TRPC7: variants seen among roughly 807,000 people sequenced by gnomAD.
TRPC7 encodes the protein transient receptor potential cation channel subfamily C member 7, also known as short transient receptor potential channel 7.
TRPC7 carries 42 observed loss-of-function variants against 90.1 expected under a neutral mutation model. The ratio of observed to expected loss-of-function variants is 0.47; its 90% CI spans 0.36 to 0.60. The LOEUF (loss-of-function observed/expected upper bound fraction) is 0.60. Among genes scored for constraint, TRPC7 ranks in the 20% least tolerant of loss-of-function variants. The pLI, the probability that TRPC7 is intolerant of heterozygous loss-of-function variation, is 0.00. For synonymous variants in TRPC7, 451 were observed against 436.3 expected, an observed-to-expected ratio of 1.03 and a Z score of -0.42; for missense variants, 955 against 1,112.3, an observed-to-expected ratio of 0.86 and a Z score of 2.01.
intron 2 of TRPC7, among the ~76,000 whole-genome samples, chr5:136,328,710 T>C (rs997908115): frequency 1.3e-5 from 2 of 152,280 alleles, no homozygotes; most frequent in African/African-American, 4.8e-5. Context: ...CTTCACACAA[T>C]ATGTGGCAAG....
At chr5:136,241,188 C>T (rs147230929) in intron 7 of TRPC7, among the ~76,000 whole-genome samples, 1 of 152,310 alleles carries the variant, frequency 6.6e-6, no homozygotes, top group East Asian at 1.9e-4. Flanking sequence ...TCTAATTTTG[C>T]CTAGCATTGC....
intron 3 of TRPC7, among the ~76,000 whole-genome samples, chr5:136,292,839 C>CA (rs550776085): frequency 0.11 from 17,000 of 151,858 alleles, 954 homozygotes; most frequent in African/African-American, 0.12. Flanking sequence ...GAGACACAAC[C>CA]AAAAAAGAGA....
chr5:136,215,652 C>G (rs2149791436), intron 11 of TRPC7, among the ~76,000 whole-genome samples: 2 of 152,062 alleles, frequency 1.3e-5, no homozygotes, highest in Middle Eastern at 6.8e-3. Context: ...AAAACCCCAT[C>G]TCTACTAAAA....
chr5:136,359,821 CTAA>C (rs1326068429), intron 1 of TRPC7, among the ~76,000 whole-genome samples: 1 of 151,992 alleles, frequency 6.6e-6, no homozygotes, highest in Non-Finnish European at 1.5e-5. Context: ...CCAAAGAAGA[CTAA>C]TAATAATCTT....
chr5:136,287,504 G>A (rs1757761306), intron 3 of TRPC7, among the ~76,000 whole-genome samples: 1 of 151,824 alleles, frequency 6.6e-6, no homozygotes, highest in Non-Finnish European at 1.5e-5. Flanking sequence ...TTCCATTGCA[G>A]TACTGAGAGG....
At chr5:136,285,484 TA>T (rs1336701277) in intron 3 of TRPC7, among the ~76,000 whole-genome samples, 1 of 152,248 alleles carries the variant, frequency 6.6e-6, no homozygotes, top group African/African-American at 2.4e-5. Flanking sequence ...TAATGATGAC[TA>T]ATGTAATTAT....
intron 3 of TRPC7, among the ~76,000 whole-genome samples, chr5:136,277,215 CT>C (rs1232771040): frequency 3.3e-5 from 5 of 152,252 alleles, no homozygotes; most frequent in African/African-American, 9.6e-5. Context: ...CTATTCCCCA[CT>C]CTCCCTTGCT....
At chr5:136,267,091 A>G (rs1181067684) in intron 4 of TRPC7, among the ~76,000 whole-genome samples, 1 of 152,206 alleles carries the variant, frequency 6.6e-6, no homozygotes. Context: ...TTTATAGAAC[A>G]TAGCCTCTAT....
intron 10 of TRPC7, among the ~76,000 whole-genome samples, chr5:136,223,548 G>A (rs542812098): frequency 6.6e-6 from 1 of 151,976 alleles, no homozygotes; most frequent in Non-Finnish European, 1.5e-5. Flanking sequence ...GGGAGGCGGA[G>A]GTTGCAGCGA....
chr5:136,254,773 G>T (rs146720171), intron 5 of TRPC7, among the ~76,000 whole-genome samples: 1,734 of 152,250 alleles, frequency 0.011, 25 homozygotes, highest in Non-Finnish European at 0.015. Context: ...TGCCATATAT[G>T]ATTATTCTTC....
chr5:136,345,076 A>G (rs1561727477), intron 2 of TRPC7, among the ~76,000 whole-genome samples: 1 of 152,200 alleles, frequency 6.6e-6, no homozygotes, highest in Non-Finnish European at 1.5e-5. Flanking sequence ...ATAGATACAT[A>G]CTTATACATC....
At chr5:136,279,907 C>G (rs574302580) in intron 3 of TRPC7, among the ~76,000 whole-genome samples, 1 of 152,268 alleles carries the variant, frequency 6.6e-6, no homozygotes, top group Non-Finnish European at 1.5e-5. Flanking sequence ...CCAACTTCCC[C>G]TTTGGGAGGC....
intron 5 of TRPC7, among the ~76,000 whole-genome samples, chr5:136,253,361 T>A (rs1463221825): frequency 6.6e-6 from 1 of 152,212 alleles, no homozygotes; most frequent in African/African-American, 2.4e-5. Flanking sequence ...GCACTTTGCT[T>A]TATTGTGCTT....
intron 6 of TRPC7, among the ~76,000 whole-genome samples, chr5:136,250,011 G>A (rs1756469671): frequency 6.6e-6 from 1 of 152,232 alleles, no homozygotes; most frequent in African/African-American, 2.4e-5. Context: ...AGCAACAGAA[G>A]TCAGAAGTGG....
At chr5:136,338,871 A>G (rs754493331) in intron 2 of TRPC7, among the ~76,000 whole-genome samples, 22 of 152,128 alleles carry the variant, frequency 1.4e-4, no homozygotes, top group Non-Finnish European at 2.9e-4. Context: ...ACCACTCTAC[A>G]GCCTAAAAAC....
At chr5:136,294,137 A>T (rs4496898) in intron 3 of TRPC7, among the ~76,000 whole-genome samples, 24,452 of 152,140 alleles carry the variant, frequency 0.16, 2,890 homozygotes, top group East Asian at 0.34. Context: ...TACAAAAATT[A>T]ATTCAAGATG....
Position 136,217,648 on chromosome 5 carries a change from C to T in TRPC7, c.2344-1373G>A, listed in dbSNP as rs143124520. Among the ~76,000 whole-genome samples, 73 of 152,300 alleles carry T rather than the reference C, an allele frequency of 4.8e-4. 1 individual carries two copies. The highest frequency in any genetic ancestry group is 1.7e-3 in the African/African-American group (69 of 41,554). ...AGAAGCCTGGGTCTTATCCTACTAG[C>T]GGTTAAACTGCAGCGCTGAATTTCT... is the stretch of plus-strand genomic sequence containing the variant. On this transcript the variant is annotated intron_variant, in intron 10 of 11. Coordinates refer to ENST00000513104, the MANE Select transcript of TRPC7 (RefSeq NM_020389.3).
rs376989204 is a variant in TRPC7 at position 136,304,696 on chromosome 5, A to T, written c.963+10901T>A. On this transcript the variant is annotated intron_variant, in intron 3 of 11. Transcript: ENST00000513104. ...CTGCAAGGCTTCACAGACAGCCCCC[A>T]TTACTTCAGTCAAGCCCAAATTTCA... Among the ~76,000 whole-genome samples the T allele has an allele frequency of 8.1e-4, 124 of 152,250 alleles. 4 individuals are homozygous for T. In the South Asian group the frequency reaches 0.025, roughly 30 times the overall value.
At chr5:136,297,157 T>C (rs1758207694) in intron 3 of TRPC7, among the ~76,000 whole-genome samples, 1 of 152,216 alleles carries the variant, frequency 6.6e-6, no homozygotes, top group South Asian at 2.1e-4. Context: ...TCCTGTTCCA[T>C]GGTTTCCCAC....
Sources: allele counts gnomAD v4.1 joint callset (sites outside exome capture counted in the v4.1 genomes callset), GRCh38; gene constraint gnomAD v4.1.1; transcripts MANE v1.5; gene names NCBI Gene and HGNC (gene_info 2026-07-23, HGNC 2026-07-21).